The following CDH12 variants were observed in gnomAD, a reference collection of about 807,000 sequenced individuals.
The protein encoded by CDH12 is cadherin-12.
CDH12 carries 41 observed loss-of-function variants against 74.1 expected under a neutral mutation model. The ratio of observed to expected loss-of-function variants is 0.55; its 90% CI spans 0.43 to 0.72. The LOEUF is 0.72. CDH12 is among the 30% of genes least tolerant of loss of function. The pLI is 0.00. For missense variants in CDH12, 945 were observed against 977.2 expected, an observed-to-expected ratio of 0.97 and a Z score of 0.44; for synonymous variants, 399 against 355.0, an observed-to-expected ratio of 1.12 and a Z score of -1.39.
At chr5:21,942,904 G>A (rs2150092059) in intron 6 of CDH12, among the ~76,000 whole-genome samples, 1 of 152,296 alleles carries the variant, frequency 6.6e-6, no homozygotes, top group African/African-American at 2.4e-5. Context: ...TTGGCTCTGT[G>A]CTGTCACCCA....
At chr5:22,008,280 A>G (rs1737082767) in intron 5 of CDH12, among the ~76,000 whole-genome samples, 1 of 151,932 alleles carries the variant, frequency 6.6e-6, no homozygotes, top group South Asian at 2.1e-4. Context: ...CCCAGGCTGA[A>G]GTGCAGTGGC....
intron 2 of CDH12, among the ~76,000 whole-genome samples, chr5:22,462,244 G>T (rs1745553295): frequency 1.3e-5 from 2 of 152,096 alleles, no homozygotes; most frequent in African/African-American, 4.8e-5. Flanking sequence ...GATACCCCTT[G>T]CCAGAAACAA....
intron 1 of CDH12, among the ~76,000 whole-genome samples, chr5:22,552,168 A>G (rs1738602333): frequency 1.3e-5 from 2 of 152,194 alleles, no homozygotes; most frequent in South Asian, 2.1e-4. Flanking sequence ...TTATGTTGAG[A>G]CTTTAAATAT....
intron 1 of CDH12, among the ~76,000 whole-genome samples, chr5:22,798,155 T>C (rs1356311980): frequency 6.6e-6 from 1 of 152,196 alleles, no homozygotes; most frequent in Non-Finnish European, 1.5e-5. Flanking sequence ...TCAGTCTCAC[T>C]TTATAATGTA....
intron 3 of CDH12, among the ~76,000 whole-genome samples, chr5:22,372,740 C>T (rs903446857): frequency 1.3e-5 from 2 of 152,112 alleles, no homozygotes; most frequent in Admixed American, 6.5e-5. Context: ...AGACATGCCC[C>T]GTCCTTCCAG....
intron 4 of CDH12, among the ~76,000 whole-genome samples, chr5:22,163,161 G>C (rs1011497893): frequency 6.6e-6 from 1 of 152,066 alleles, no homozygotes; most frequent in African/African-American, 2.4e-5. Flanking sequence ...GATTACAGGC[G>C]TGAGCCACCG....
At chr5:22,828,546 C>G (rs1736443081) in intron 1 of CDH12, among the ~76,000 whole-genome samples, 2 of 152,154 alleles carry the variant, frequency 1.3e-5, no homozygotes, top group African/African-American at 4.8e-5. Flanking sequence ...AAAAGCAGAT[C>G]TCAGTGACTG....
At chr5:22,299,109 G>A (rs555007954) in intron 3 of CDH12, among the ~76,000 whole-genome samples, 6 of 152,178 alleles carry the variant, frequency 3.9e-5, no homozygotes, top group Admixed American at 2.6e-4. Flanking sequence ...GGTGAGAAAC[G>A]GAACCATACC....
At chr5:21,882,334 T>G (rs1341176516) in intron 6 of CDH12, among the ~76,000 whole-genome samples, 1 of 152,194 alleles carries the variant, frequency 6.6e-6, no homozygotes, top group Non-Finnish European at 1.5e-5. Context: ...TCATAGAAAT[T>G]AACAAAAAGA....
intron 1 of CDH12, among the ~76,000 whole-genome samples, chr5:22,579,048 A>T (rs1011993056): frequency 3.9e-5 from 6 of 152,208 alleles, no homozygotes; most frequent in African/African-American, 9.6e-5. Flanking sequence ...GACTTCTATC[A>T]CATCTACAAA....
chr5:21,839,643 G>A (rs1481325989), intron 8 of CDH12, among the ~76,000 whole-genome samples: 1 of 152,046 alleles, frequency 6.6e-6, no homozygotes. Flanking sequence ...CTTACATATA[G>A]CCAAAGGAAT....
At chr5:22,628,778 A>G (rs554824250) in intron 1 of CDH12, among the ~76,000 whole-genome samples, 1 of 152,220 alleles carries the variant, frequency 6.6e-6, no homozygotes, top group Non-Finnish European at 1.5e-5. Context: ...TTGAGATGTA[A>G]AAAACTTACA....
intron 1 of CDH12, among the ~76,000 whole-genome samples, chr5:22,792,586 T>C (rs1747972722): frequency 6.6e-6 from 1 of 152,178 alleles, no homozygotes. Flanking sequence ...ATCACTATGT[T>C]ATAATTGTAA....
In CDH12 at chr5:21,961,711, C is replaced by T. The variant is rs1354365742; in HGVS notation, c.526+13380G>A. On this transcript the variant is annotated intron_variant, in intron 6 of 14. Transcript: ENST00000382254. Reference sequence around the variant, plus strand: ...CATGAAGAAAGCCATCTAAAAGCCACGGAGAGATGTCTAGAACAGATTCTT... The same window carrying T: ...CATGAAGAAAGCCATCTAAAAGCCATGGAGAGATGTCTAGAACAGATTCTT... Among the ~76,000 whole-genome samples the T allele has an allele frequency of 6.6e-5, 10 of 152,108 alleles. No homozygotes were observed. In the South Asian group the frequency reaches 1.2e-3, roughly 19 times the overall value.
intron 2 of CDH12, among the ~76,000 whole-genome samples, chr5:22,406,208 C>G (rs953557139): frequency 6.6e-6 from 1 of 152,056 alleles, no homozygotes; most frequent in African/African-American, 2.4e-5. Flanking sequence ...AACAACCTTC[C>G]TAGGTTGGCA....
chr5:22,564,491 T>C (rs922292346), intron 1 of CDH12, among the ~76,000 whole-genome samples: 1 of 152,234 alleles, frequency 6.6e-6, no homozygotes. Context: ...TTATTGTTCT[T>C]ATCTGATTTG....
At chr5:21,988,300 T>C (rs1188438119) in intron 5 of CDH12, among the ~76,000 whole-genome samples, 5 of 151,932 alleles carry the variant, frequency 3.3e-5, no homozygotes, top group African/African-American at 1.2e-4. Flanking sequence ...GAGACCAACC[T>C]GGCCAACATG....
intron 4 of CDH12, among the ~76,000 whole-genome samples, chr5:22,189,955 C>T (rs1298493727): frequency 1.3e-5 from 2 of 152,014 alleles, no homozygotes. Flanking sequence ...CTTTCCATCA[C>T]TTCACCTCTT....
At chr5:21,911,550 C>T (rs1480273131) in intron 6 of CDH12, among the ~76,000 whole-genome samples, 3 of 151,888 alleles carry the variant, frequency 2.0e-5, no homozygotes, top group Non-Finnish European at 4.4e-5. Flanking sequence ...GATAATTAAA[C>T]ATGATTAAAG....
Sources: gnomAD v4.1 joint callset for allele counts (sites outside exome capture counted in the v4.1 genomes callset) on GRCh38, gnomAD v4.1.1 for gene constraint, MANE v1.5 for transcripts, NCBI Gene and HGNC (gene_info 2026-07-23, HGNC 2026-07-21) for gene names.